Variants in KIAA1328 observed in about 807,000 individuals in gnomAD.
The protein encoded by KIAA1328 is KIAA1328, also known as protein hinderin.
In KIAA1328, 52 loss-of-function variants were observed where a neutral mutation model predicts 68.1. The ratio of observed to expected loss-of-function variants is 0.76; its 90% CI spans 0.61 to 0.96. The LOEUF is 0.96. KIAA1328 is among the 40% of genes least tolerant of loss of function. KIAA1328 has a pLI of 0.00. For synonymous variants in KIAA1328, 232 were observed against 239.4 expected, an observed-to-expected ratio of 0.97 and a Z score of 0.28; for missense variants, 641 against 677.6, an observed-to-expected ratio of 0.95 and a Z score of 0.60.
chr18:37,019,793 G>A (rs2054278195), intron 6 of KIAA1328, among the ~76,000 whole-genome samples: 1 of 152,208 alleles, frequency 6.6e-6, no homozygotes, highest in South Asian at 2.1e-4. Context: ...GATCTGCCTG[G>A]GCATGGAGTG....
chr18:37,164,474 G>C (rs2059345218), intron 8 of KIAA1328, among the ~76,000 whole-genome samples: 1 of 152,176 alleles, frequency 6.6e-6, no homozygotes. Flanking sequence ...GCTGGGTGTG[G>C]TGGCTCACGC....
chr18:36,975,459 G>A (rs941172099), intron 6 of KIAA1328, among the ~76,000 whole-genome samples: 6 of 152,228 alleles, frequency 3.9e-5, no homozygotes, highest in African/African-American at 1.2e-4. Flanking sequence ...TGGGATTACA[G>A]GCGTGAGCCA....
At chr18:37,228,939 TAGTGGACTACAGCACACTAC>T (rs1403357169), downstream of KIAA1328, among the ~76,000 whole-genome samples, 2 of 152,218 alleles carry the variant, frequency 1.3e-5, no homozygotes, top group Non-Finnish European at 2.9e-5. Flanking sequence ...GTTGCACACT[TAGTGGACTACAGCACACTAC>T]AGTGGACTAC....
chr18:36,942,246 C>G (rs1021798545), intron 5 of KIAA1328, among the ~76,000 whole-genome samples: 2 of 152,216 alleles, frequency 1.3e-5, no homozygotes, highest in Non-Finnish European at 2.9e-5. Context: ...GCTTGGTCAG[C>G]TAGATGTAGT....
chr18:37,132,551 G>A (rs2058547690), intron 7 of KIAA1328, among the ~76,000 whole-genome samples: 2 of 152,194 alleles, frequency 1.3e-5, no homozygotes, highest in South Asian at 4.1e-4. Context: ...AAATTATCAA[G>A]GAGCATATTG....
chr18:37,078,851 GAGAAA>G (rs2056845261), intron 7 of KIAA1328, among the ~76,000 whole-genome samples: 1 of 150,058 alleles, frequency 6.7e-6, no homozygotes, highest in Admixed American at 6.6e-5. Context: ...AGAGGATGTG[GAGAAA>G]TAGGAACACT....
At chr18:37,139,192 T>C (rs920428066) in intron 7 of KIAA1328, among the ~76,000 whole-genome samples, 9 of 152,088 alleles carry the variant, frequency 5.9e-5, no homozygotes, top group Admixed American at 2.0e-4. Context: ...CTTGATCTCC[T>C]GACCTCGTGA....
chr18:36,839,412 T>G (rs2046785691), intron 3 of KIAA1328, among the ~76,000 whole-genome samples: 1 of 152,226 alleles, frequency 6.6e-6, no homozygotes, highest in South Asian at 2.1e-4. Context: ...TTTCAGTCTC[T>G]TATTTTTGTT....
chr18:36,839,391 T>C (rs2046785351), intron 3 of KIAA1328, among the ~76,000 whole-genome samples: 1 of 152,230 alleles, frequency 6.6e-6, no homozygotes, highest in Non-Finnish European at 1.5e-5. Context: ...GTTTTATCTT[T>C]AGAAGTTCAG....
chr18:36,830,341 C>T (rs1051992869), intron 1 of KIAA1328, among the ~76,000 whole-genome samples: 1 of 152,202 alleles, frequency 6.6e-6, no homozygotes, highest in Non-Finnish European at 1.5e-5. Context: ...CATGTACATA[C>T]ACTGTGGATG....
chr18:36,978,268 A>C (rs927721455), intron 6 of KIAA1328, among the ~76,000 whole-genome samples: 19 of 152,268 alleles, frequency 1.2e-4, no homozygotes, highest in Admixed American at 7.8e-4. Context: ...TCAGAACCTA[A>C]AGTTTCTGTT....
At chr18:36,878,025 A>G (rs2048198214) in intron 4 of KIAA1328, among the ~76,000 whole-genome samples, 1 of 152,020 alleles carries the variant, frequency 6.6e-6, no homozygotes, top group African/African-American at 2.4e-5. Flanking sequence ...TAACATTGTT[A>G]TGTGTGAATT....
chr18:36,962,767 CAAT>C (rs1181582072), intron 6 of KIAA1328, among the ~76,000 whole-genome samples: 1 of 152,138 alleles, frequency 6.6e-6, no homozygotes, highest in Non-Finnish European at 1.5e-5. Flanking sequence ...TCTTTTAAAG[CAAT>C]GATAACAGAG....
At chr18:36,968,846 C>G (rs1210388830) in intron 6 of KIAA1328, among the ~76,000 whole-genome samples, 1 of 152,150 alleles carries the variant, frequency 6.6e-6, no homozygotes, top group Non-Finnish European at 1.5e-5. Flanking sequence ...CTCATCTGCA[C>G]TGAGTACAAC....
At chr18:37,022,214 A>G (rs756713389) in intron 6 of KIAA1328, among the ~76,000 whole-genome samples, 9 of 152,148 alleles carry the variant, frequency 5.9e-5, no homozygotes, top group Non-Finnish European at 8.8e-5. Context: ...GAACATAAGA[A>G]TTGTCCATTT....
intron 4 of KIAA1328, among the ~76,000 whole-genome samples, chr18:36,857,271 T>C (rs1156754537): frequency 6.6e-6 from 1 of 152,176 alleles, no homozygotes; most frequent in Non-Finnish European, 1.5e-5. Flanking sequence ...TTCTTCTCTT[T>C]CCTAAACTTT....
intron 9 of KIAA1328, among the ~76,000 whole-genome samples, chr18:37,173,698 A>G (rs192166268): frequency 1.3e-5 from 2 of 152,358 alleles, no homozygotes; most frequent in Admixed American, 1.3e-4. Context: ...TATCCGATGA[A>G]TTGAATATAA....
chr18:36,898,131 C>T (rs1302715371), intron 5 of KIAA1328, among the ~76,000 whole-genome samples: 1 of 151,846 alleles, frequency 6.6e-6, no homozygotes, highest in Non-Finnish European at 1.5e-5. Context: ...AAATTTACAG[C>T]ATAAAAAGTG....
intron 3 of KIAA1328, among the ~76,000 whole-genome samples, chr18:36,840,336 G>C (rs905548824): frequency 1.3e-5 from 2 of 152,058 alleles, no homozygotes; most frequent in African/African-American, 4.8e-5. Context: ...TACTCCATCT[G>C]GGCTAGAAGA....
Sources: allele counts gnomAD v4.1 joint callset (sites outside exome capture counted in the v4.1 genomes callset), GRCh38; gene constraint gnomAD v4.1.1; transcripts MANE v1.5; gene names NCBI Gene and HGNC (gene_info 2026-07-23, HGNC 2026-07-21).